Variants in SERPINB10 observed in about 807,000 individuals in gnomAD.
SERPINB10 encodes serpin family B member 10, also known as serpin B10.
A neutral mutation model predicts 39.1 loss-of-function variants in SERPINB10; 35 were observed. The observed-to-expected ratio is 0.90, with a 90% CI of 0.68 to 1.19. SERPINB10 has a LOEUF of 1.19. Ranked by LOEUF, SERPINB10 falls within the 50% of genes most tolerant of loss-of-function variation. The pLI is 0.00. For missense variants in SERPINB10, 546 were observed against 460.5 expected, an observed-to-expected ratio of 1.19 and a Z score of -1.70; for synonymous variants, 190 against 158.1, an observed-to-expected ratio of 1.20 and a Z score of -1.52.
intron 2 of SERPINB10, 59 bp from the exon 3 acceptor site, chr18:63,917,397 A>C: frequency 1.0e-6 from 1 of 988,942 alleles, no homozygotes. Context: ...CAGATGATGT[A>C]TGATTTATAT....
At chr18:63,931,628 A>G (rs1347065653) in intron 6 of SERPINB10, among the ~76,000 whole-genome samples, 1 of 152,162 alleles carries the variant, frequency 6.6e-6, no homozygotes, top group African/African-American at 2.4e-5. Flanking sequence ...TTTTAGGTTT[A>G]CAGAAAAAAT....
At chr18:63,929,657 G>A (rs1363855601) in intron 5 of SERPINB10, among the ~76,000 whole-genome samples, 1 of 138,464 alleles carries the variant, frequency 7.2e-6, no homozygotes, top group Non-Finnish European at 1.5e-5. Flanking sequence ...GGTGCAAAGA[G>A]TTGTTAGTCA....
At chr18:63,910,939 C>T (rs1338932488) in intron 1 of SERPINB10, among the ~76,000 whole-genome samples, 6 of 152,008 alleles carry the variant, frequency 3.9e-5, no homozygotes, top group Non-Finnish European at 8.8e-5. Context: ...CTTTTCTCCA[C>T]AGCGTCATCA....
In SERPINB10 at chr18:63,919,780, T is replaced by C. The variant is rs2050132770; in HGVS notation, c.373-8T>C. ...CTACAAAAGGGGATTTTTATCTATGTCTTTCAGAAATATTTAGAAGACATG... is the reference window on the plus strand; with the variant it reads ...CTACAAAAGGGGATTTTTATCTATGCCTTTCAGAAATATTTAGAAGACATG... On this transcript the variant is annotated splice_polypyrimidine_tract_variant and splice_region_variant and intron_variant, in intron 4 of 7. Coordinates refer to ENST00000238508, the MANE Select transcript of SERPINB10 (RefSeq NM_005024.3). 28 of 1,547,164 alleles carry C rather than the reference T, an allele frequency of 1.8e-5. No individual in the cohort carries two copies. The highest frequency in any genetic ancestry group is 4.3e-5 in the African/African-American group (3 of 69,558).
At chr18:63,927,639 A>G (rs903510294) in intron 5 of SERPINB10, among the ~76,000 whole-genome samples, 7 of 151,972 alleles carry the variant, frequency 4.6e-5, no homozygotes, top group Non-Finnish European at 8.8e-5. Flanking sequence ...CAAAGGCCCC[A>G]CCTGTTAATT....
At chr18:63,920,102 G>A (rs186170429) in intron 5 of SERPINB10, among the ~76,000 whole-genome samples, 197 bp downstream of exon 5, 1 of 152,040 alleles carries the variant, frequency 6.6e-6, no homozygotes, top group East Asian at 1.9e-4. Context: ...TCTAAAACAA[G>A]TAAGTCAGGC....
intron 5 of SERPINB10, among the ~76,000 whole-genome samples, chr18:63,927,707 G>C (rs1052191331): frequency 5.3e-5 from 8 of 152,096 alleles, no homozygotes; most frequent in African/African-American, 1.9e-4. Context: ...CAAATATTCA[G>C]GCCATATCAG....
chr18:63,917,544 T>C (rs2050113142), intron 3 of SERPINB10, 23 bp downstream of exon 3: 1 of 1,314,682 alleles, frequency 7.6e-7, no homozygotes, highest in Non-Finnish European at 1.0e-6. Context: ...CTTTAATATA[T>C]ATTTCATAAT....
intron 4 of SERPINB10, 115 bp downstream of exon 4, chr18:63,918,217 C>T: frequency 9.3e-7 from 1 of 1,071,142 alleles, no homozygotes; most frequent in Admixed American, 2.2e-5. Context: ...GTGGTCAGTA[C>T]TTCCCTGCAA....
At chr18:63,924,110 G>C (rs1434442596) in intron 5 of SERPINB10, among the ~76,000 whole-genome samples, 1 of 151,924 alleles carries the variant, frequency 6.6e-6, no homozygotes, top group Admixed American at 6.6e-5. Flanking sequence ...CTCTCTCATA[G>C]GGTGGATTTT....
At chr18:63,926,996 A>C (rs77205213) in intron 5 of SERPINB10, among the ~76,000 whole-genome samples, 2 of 151,974 alleles carry the variant, frequency 1.3e-5, no homozygotes, top group African/African-American at 4.8e-5. Flanking sequence ...ACCTAAAAGA[A>C]CTTCTTATTA....
intron 5 of SERPINB10, among the ~76,000 whole-genome samples, chr18:63,926,972 A>C (rs1199602797): frequency 6.6e-6 from 1 of 152,070 alleles, no homozygotes; most frequent in Non-Finnish European, 1.5e-5. Flanking sequence ...TTTTTAGCGT[A>C]ATAGTGTAAC....
rs1325805608 is a variant in SERPINB10, at chr18:63,936,060, A to G, written c.*818A>G. 1 of 152,200 alleles carries G rather than the reference A, an allele frequency of 6.6e-6. No individual in the cohort carries two copies. The highest frequency in any genetic ancestry group is 1.5e-5 in the Non-Finnish European group (1 of 68,044). The allele number at this position is 152,200 out of a possible 1,614,324, so 9.4% of individuals were successfully genotyped here. On this transcript the variant is annotated 3_prime_UTR_variant, in exon 8 of 8. Coordinates refer to ENST00000238508, the MANE Select transcript of SERPINB10 (RefSeq NM_005024.3). ...TGAGAATTAGCTGTATTATCTCTGC[A>G]CCTCTTCTGCCAATCTAAAATTATT...
At chr18:63,909,335 T>A (rs540959076) in intron 1 of SERPINB10, among the ~76,000 whole-genome samples, 2 of 152,196 alleles carry the variant, frequency 1.3e-5, no homozygotes, top group East Asian at 3.9e-4. Context: ...TTGTATGGAA[T>A]AATTATTTCC....
At chr18:63,910,708 A>C (rs2050058116) in intron 1 of SERPINB10, among the ~76,000 whole-genome samples, 1 of 151,838 alleles carries the variant, frequency 6.6e-6, no homozygotes, top group Non-Finnish European at 1.5e-5. Flanking sequence ...ACTGATAGGC[A>C]CCTAGGTTGA....
chr18:63,909,500 A>G (rs1432481071), intron 1 of SERPINB10, among the ~76,000 whole-genome samples: 1 of 152,092 alleles, frequency 6.6e-6, no homozygotes, highest in Non-Finnish European at 1.5e-5. Context: ...AACATCTGAT[A>G]TACAAATAAT....
intron 1 of SERPINB10, among the ~76,000 whole-genome samples, chr18:63,910,503 T>C (rs1270841454): frequency 6.6e-6 from 1 of 151,970 alleles, no homozygotes; most frequent in Non-Finnish European, 1.5e-5. Flanking sequence ...TTGCCATCTT[T>C]AAGTCTATGA....
rs751283479 is a variant in SERPINB10, at chr18:63,919,911, C to T, written c.490+6C>T. On this transcript the variant is annotated splice_donor_region_variant and intron_variant, in intron 5 of 7. Coordinates refer to ENST00000238508, the MANE Select transcript of SERPINB10 (RefSeq NM_005024.3). ...GGTTGAAAGACAGACCGAGGGTAAGCTTTCACCAAGGGGTTTGGCAGCGTG... is the reference window on the plus strand; with the variant it reads ...GGTTGAAAGACAGACCGAGGGTAAGTTTTCACCAAGGGGTTTGGCAGCGTG... 7 of 1,574,128 alleles carry T rather than the reference C, an allele frequency of 4.4e-6. No homozygotes were observed. The African/African-American group carries it at 9.7e-5, about 22-fold the overall frequency.
rs1156509532 is a variant in SERPINB10 at position 63,917,515 on chromosome 18, G to A, written c.228G>A (p.Arg76=). 1 of 1,555,208 alleles carries A rather than the reference G, an allele frequency of 6.4e-7. No individual in the cohort carries two copies. The highest frequency in any genetic ancestry group is 8.8e-7 in the Non-Finnish European group (1 of 1,142,448). The change falls in exon 3 of 8, where the codon AGG becomes AGA. Residue 76 remains arginine, a synonymous_variant. Transcript: ENST00000238508. ...VKCDPESEKK[R]KMEFNLSNSE... is the part of the protein sequence containing the mutation. ...GTGACCCTGAAAGTGAAAAAAAAAG[G>A]AAAATGGTATATCTTATCCTTTAAT...
Sources: allele counts gnomAD v4.1 joint callset (sites outside exome capture counted in the v4.1 genomes callset), GRCh38; gene constraint gnomAD v4.1.1; transcripts MANE v1.5; gene names NCBI Gene and HGNC (gene_info 2026-07-23, HGNC 2026-07-21).